The following BTBD9 variants were observed in gnomAD, a reference collection of about 807,000 sequenced individuals.
BTBD9 encodes BTB domain containing 9, also known as BTB/POZ domain-containing protein 9.
In BTBD9, 49 loss-of-function variants were observed where a neutral mutation model predicts 64.3. The observed-to-expected ratio is 0.76, with a 90% CI of 0.61 to 0.97. The LOEUF is 0.97. BTBD9 is among the 50% of genes least tolerant of loss of function. The pLI, the probability that BTBD9 is intolerant of heterozygous loss-of-function variation, is 0.00. For synonymous variants in BTBD9, 260 were observed against 274.7 expected (o/e 0.95, Z 0.53); for missense variants, 598 against 762.1 (o/e 0.78, Z 2.53).
intron 6 of BTBD9, among the ~76,000 whole-genome samples, chr6:38,444,843 C>T (rs1769196354): frequency 6.6e-6 from 1 of 152,208 alleles, no homozygotes; most frequent in Non-Finnish European, 1.5e-5. Context: ...TACTTGCCCC[C>T]ATGGTAACTT....
rs763588825 is a variant in BTBD9 at position 38,592,563 on chromosome 6, G to A, written c.814+13C>T. On this transcript the variant is annotated intron_variant, in intron 4 of 10. Coordinates refer to ENST00000481247, the MANE Select transcript of BTBD9 (RefSeq NM_001099272.2). The stretch of plus-strand genomic sequence containing the variant: ...AAGCTTCTTGGTTGAGTTTAGGATA[G>A]ACAGGTACTTACTGAGCATGCCTCT... 5 of 1,613,156 alleles carry A rather than the reference G, an allele frequency of 3.1e-6. No homozygotes were observed. The highest frequency in any genetic ancestry group is 8.5e-7 in the Non-Finnish European group (1 of 1,179,352).
At chr6:38,576,623 C>A (rs1425081299) in intron 6 of BTBD9, among the ~76,000 whole-genome samples, 2 of 152,164 alleles carry the variant, frequency 1.3e-5, no homozygotes, top group African/African-American at 4.8e-5. Flanking sequence ...TGCTCCCAAT[C>A]AGCCACAGTG....
At chr6:38,432,063 TCTTCCTCTCACGGGA>T (rs1768467284) in intron 6 of BTBD9, among the ~76,000 whole-genome samples, 1 of 151,940 alleles carries the variant, frequency 6.6e-6, no homozygotes, top group Admixed American at 6.5e-5. Context: ...GTAAGTGAAT[TCTTCCTCTCACGGGA>T]CTGGATTAGC....
intron 9 of BTBD9, among the ~76,000 whole-genome samples, chr6:38,212,857 C>A (rs1170753501): frequency 6.6e-6 from 1 of 152,140 alleles, no homozygotes; most frequent in Non-Finnish European, 1.5e-5. Context: ...CCCTTCTCCC[C>A]CAGCAGCGCA....
intron 6 of BTBD9, among the ~76,000 whole-genome samples, chr6:38,433,574 A>G (rs1768552204): frequency 6.6e-6 from 1 of 151,166 alleles, no homozygotes; most frequent in Non-Finnish European, 1.5e-5. Context: ...TTTGACTGTA[A>G]TTTTCCACTA....
At chr6:38,563,491 G>A (rs1012484214) in intron 6 of BTBD9, among the ~76,000 whole-genome samples, 4 of 152,096 alleles carry the variant, frequency 2.6e-5, no homozygotes, top group Non-Finnish European at 4.4e-5. Flanking sequence ...TTCCCCACAA[G>A]GAGGCAAAGT....
intron 6 of BTBD9, among the ~76,000 whole-genome samples, chr6:38,452,266 C>T (rs949725133): frequency 1.3e-5 from 2 of 152,076 alleles, no homozygotes; most frequent in Non-Finnish European, 2.9e-5. Flanking sequence ...CCCAAGAGTA[C>T]ACCACTACTA....
intron 8 of BTBD9, among the ~76,000 whole-genome samples, chr6:38,277,919 T>C (rs550643425): frequency 6.6e-6 from 1 of 152,322 alleles, no homozygotes; most frequent in Non-Finnish European, 1.5e-5. Context: ...GTGGCAGAGC[T>C]GTTGGCTAGA....
intron 6 of BTBD9, among the ~76,000 whole-genome samples, chr6:38,543,827 G>A (rs1431665259): frequency 1.3e-5 from 2 of 151,888 alleles, no homozygotes; most frequent in Non-Finnish European, 2.9e-5. Flanking sequence ...CGTGTTGGCG[G>A]GCGCCTGTAG....
At chr6:38,320,263 A>G (rs1446995409) in intron 7 of BTBD9, among the ~76,000 whole-genome samples, 4 of 152,138 alleles carry the variant, frequency 2.6e-5, no homozygotes, top group Non-Finnish European at 2.9e-5. Flanking sequence ...ATTCTTACTA[A>G]GGTGCTTTTT....
chr6:38,335,669 G>C (rs1006887940), intron 7 of BTBD9, among the ~76,000 whole-genome samples: 3 of 151,916 alleles, frequency 2.0e-5, no homozygotes, highest in Admixed American at 6.6e-5. Flanking sequence ...AGGTTCAAGC[G>C]ATTCTCCTGC....
Position 38,169,214 on chromosome 6 carries a change from C to G in BTBD9, c.*5771G>C, listed in dbSNP as rs1424865020. On this transcript the variant is annotated 3_prime_UTR_variant, in exon 11 of 11. Coordinates refer to ENST00000481247, the MANE Select transcript of BTBD9 (RefSeq NM_001099272.2). ...TGGCCTCCAGCAGGTCTCAGAATGA[C>G]TCCTGTAGTGGCTAGGACTAGGGCA... The G allele has an allele frequency of 2.6e-5, 4 of 152,408 alleles. No individual in the cohort carries two copies. The East Asian group carries it at 7.7e-4, about 29-fold the overall frequency. 9.4% of individuals were successfully genotyped at this position (152,408 alleles called of 1,614,324 possible). A position where few individuals can be genotyped will look rare whatever the true frequency, so the allele number is the denominator to read the frequency against.
At chr6:38,338,983 G>C (rs934826909) in intron 7 of BTBD9, among the ~76,000 whole-genome samples, 2 of 152,128 alleles carry the variant, frequency 1.3e-5, no homozygotes, top group Non-Finnish European at 2.9e-5. Context: ...CAAGGCTGTG[G>C]GGAAACAGTC....
chr6:38,479,253 C>T (rs1303312193), intron 6 of BTBD9, among the ~76,000 whole-genome samples: 1 of 152,110 alleles, frequency 6.6e-6, no homozygotes, highest in African/African-American at 2.4e-5. Flanking sequence ...CCCTCCAGCT[C>T]CTCTCCCGAC....
intron 10 of BTBD9, chr6:38,179,888 G>A: frequency 2.2e-6 from 1 of 448,724 alleles, no homozygotes; most frequent in South Asian, 1.6e-5. Context: ...TGGGAGGCAG[G>A]GAGGGGAGCT....
intron 6 of BTBD9, among the ~76,000 whole-genome samples, chr6:38,466,283 C>CTTTTTTTTTTTTTTT (rs67769669): frequency 2.3e-5 from 1 of 44,068 alleles, no homozygotes; most frequent in African/African-American, 9.5e-5. Context: ...CTTCCTTTTC[C>CTTTTTTTTTTTTTTT]TTTTTTTTTT....
rs1554150450 is a variant in BTBD9, at chr6:38,425,958, A to ACACACACACAC, written c.1155-80866_1155-80865insGTGTGTGTGTG. Among the ~76,000 whole-genome samples the ACACACACACAC allele has an allele frequency of 7.4e-4, 112 of 150,362 alleles. 1 individual carries two copies. In the East Asian group the frequency reaches 8.8e-3, roughly 12 times the overall value. On this transcript the variant is annotated intron_variant, in intron 6 of 10. Coordinates refer to ENST00000481247, the MANE Select transcript of BTBD9 (RefSeq NM_001099272.2). ...CACACACACACACACACACACACAC[A>ACACACACACAC]AACAAAAGCAAGCCCAGACCAGAAG...
chr6:38,315,587 T>A (rs1034138628), intron 7 of BTBD9, among the ~76,000 whole-genome samples: 2 of 152,222 alleles, frequency 1.3e-5, no homozygotes, highest in African/African-American at 4.8e-5. Context: ...TTCAGAGGCA[T>A]ACTGTTTAAT....
intron 6 of BTBD9, among the ~76,000 whole-genome samples, chr6:38,535,305 G>A (rs1773975349): frequency 6.6e-6 from 1 of 152,042 alleles, no homozygotes; most frequent in African/African-American, 2.4e-5. Flanking sequence ...CCAAGGAAGT[G>A]AAAGATCTCT....
Sources: gnomAD v4.1 joint callset for allele counts (sites outside exome capture counted in the v4.1 genomes callset) on GRCh38, gnomAD v4.1.1 for gene constraint, MANE v1.5 for transcripts, NCBI Gene and HGNC (gene_info 2026-07-23, HGNC 2026-07-21) for gene names.